GRM5: variants seen among roughly 807,000 people sequenced by gnomAD.
GRM5 encodes glutamate metabotropic receptor 5.
A neutral mutation model predicts 83.1 loss-of-function variants in GRM5; 19 were observed. That is an observed-to-expected ratio of 0.23 (90% CI 0.16 to 0.34). GRM5 has a LOEUF of 0.34. Among genes scored for constraint, GRM5 ranks in the 10% least tolerant of loss-of-function variants. GRM5 has a pLI of 1.00. For missense variants in GRM5, 1,160 were observed against 1,588.3 expected (o/e 0.73, Z 4.58); for synonymous variants, 675 against 633.6 (o/e 1.07, Z -0.98).
At chr11:88,836,206 G>T (rs1001617877) in intron 3 of GRM5, among the ~76,000 whole-genome samples, 4 of 152,178 alleles carry the variant, frequency 2.6e-5, no homozygotes, top group African/African-American at 9.7e-5. Flanking sequence ...AATATTTAAG[G>T]ATCTATGGGA....
chr11:88,514,193 C>A (rs1663152214), intron 9 of GRM5, among the ~76,000 whole-genome samples: 1 of 152,032 alleles, frequency 6.6e-6, no homozygotes, highest in African/African-American at 2.4e-5. Flanking sequence ...TAATATGATG[C>A]CATCTAATGT....
At chr11:89,014,633 G>A (rs1382641288) in intron 2 of GRM5, among the ~76,000 whole-genome samples, 8 of 152,140 alleles carry the variant, frequency 5.3e-5, no homozygotes, top group Admixed American at 2.0e-4. Context: ...GGTGACTATA[G>A]TCAAGAATAA....
At chr11:88,894,653 C>T (rs1043820869) in intron 2 of GRM5, among the ~76,000 whole-genome samples, 6 of 104,650 alleles carry the variant, frequency 5.7e-5, no homozygotes, top group African/African-American at 1.1e-4. Flanking sequence ...ATCTTCACTG[C>T]TTGTTTGTTC....
At chr11:88,715,798 A>G (rs1216048920) in intron 3 of GRM5, among the ~76,000 whole-genome samples, 1 of 151,986 alleles carries the variant, frequency 6.6e-6, no homozygotes, top group Non-Finnish European at 1.5e-5. Context: ...GCTCAGTTTT[A>G]TTTTCGGTGG....
chr11:88,841,506 G>T (rs1248486021), intron 3 of GRM5, among the ~76,000 whole-genome samples: 1 of 152,118 alleles, frequency 6.6e-6, no homozygotes, highest in Non-Finnish European at 1.5e-5. Context: ...CATAAAAGCT[G>T]CATTTTCAAA....
chr11:88,658,699 T>C (rs1343341114), intron 3 of GRM5, among the ~76,000 whole-genome samples: 40 of 152,168 alleles, frequency 2.6e-4, no homozygotes, highest in Non-Finnish European at 4.4e-5. Flanking sequence ...GTTTGAAAAG[T>C]ATGGATAATA....
intron 3 of GRM5, among the ~76,000 whole-genome samples, chr11:88,793,391 C>G (rs971154515): frequency 2.0e-5 from 3 of 152,092 alleles, no homozygotes; most frequent in African/African-American, 7.2e-5. Context: ...TAGTGAACAT[C>G]TAAGGACTGC....
intron 2 of GRM5, among the ~76,000 whole-genome samples, chr11:88,979,478 G>A (rs891489359): frequency 2.6e-5 from 4 of 152,072 alleles, no homozygotes; most frequent in African/African-American, 9.7e-5. Context: ...TACGTTACAG[G>A]TATTACAAAA....
rs1491507869 is a variant in GRM5 at position 88,994,485 on chromosome 11, A to ATATC, written c.661+52726_661+52727insGATA. The stretch of plus-strand genomic sequence containing the variant: ...TATATATATATATATATATATATAT[A>ATATC]TTACAATTGCTGCAAAGTATTGATA... On this transcript the variant is annotated intron_variant, in intron 2 of 9. Coordinates refer to ENST00000305447, the MANE Select transcript of GRM5 (RefSeq NM_001143831.3). Among the ~76,000 whole-genome samples the ATATC allele has an allele frequency of 4.0e-5, 5 of 123,480 alleles. No homozygotes were observed. In the East Asian group the frequency reaches 1.1e-3, roughly 28 times the overall value. The allele number at this position is 123,480 out of a possible 152,430, so 81.0% of individuals were successfully genotyped here. A position where few individuals can be genotyped will look rare whatever the true frequency, so the allele number is the denominator to read the frequency against.
intron 2 of GRM5, among the ~76,000 whole-genome samples, chr11:89,040,144 A>G (rs1447263616): frequency 6.6e-6 from 1 of 152,176 alleles, no homozygotes; most frequent in Non-Finnish European, 1.5e-5. Flanking sequence ...TTTGTATAAA[A>G]AAAAAAGATG....
At chr11:88,879,069 A>T (rs979438475) in intron 2 of GRM5, among the ~76,000 whole-genome samples, 2 of 152,192 alleles carry the variant, frequency 1.3e-5, no homozygotes, top group East Asian at 1.9e-4. Context: ...ATTTTGTTGT[A>T]TATAAATTTA....
chr11:88,569,501 T>A (rs1591355581), intron 7 of GRM5, among the ~76,000 whole-genome samples: 1 of 152,228 alleles, frequency 6.6e-6, no homozygotes, highest in East Asian at 1.9e-4. Context: ...GGCATAGGAA[T>A]AGGTTTCAGC....
intron 3 of GRM5, among the ~76,000 whole-genome samples, chr11:88,658,570 A>G (rs1477343432): frequency 6.6e-6 from 1 of 152,190 alleles, no homozygotes; most frequent in Non-Finnish European, 1.5e-5. Flanking sequence ...AGAAAGGAGG[A>G]CAGATATAAA....
chr11:88,835,648 A>G (rs952413275), intron 3 of GRM5, among the ~76,000 whole-genome samples: 2 of 152,190 alleles, frequency 1.3e-5, no homozygotes, highest in African/African-American at 2.4e-5. Flanking sequence ...CTCTGAGGAA[A>G]CTGGGGATGA....
chr11:88,747,819 GTTA>G (rs71470778), intron 3 of GRM5, among the ~76,000 whole-genome samples: 69,879 of 151,648 alleles, frequency 0.46, 18,365 homozygotes, highest in South Asian at 0.77. Flanking sequence ...ACTGATTTGT[GTTA>G]TTTTTTATTA....
chr11:88,981,546 G>C (rs1020710677), intron 2 of GRM5, among the ~76,000 whole-genome samples: 2 of 152,132 alleles, frequency 1.3e-5, no homozygotes, highest in African/African-American at 4.8e-5. Flanking sequence ...TATGAGTCAA[G>C]GAGAGACAGT....
intron 2 of GRM5, among the ~76,000 whole-genome samples, chr11:88,944,881 A>G (rs1482878168): frequency 6.6e-6 from 1 of 151,986 alleles, no homozygotes; most frequent in Admixed American, 6.6e-5. Flanking sequence ...GCAACAGAGA[A>G]AAATAAAAGG....
chr11:88,603,840 A>G (rs1185389439), intron 5 of GRM5, among the ~76,000 whole-genome samples: 4 of 152,210 alleles, frequency 2.6e-5, no homozygotes, highest in Non-Finnish European at 4.4e-5. Flanking sequence ...ACCTTTTGGC[A>G]GGGTCAACTA....
At chr11:88,917,522 A>G (rs1422785824) in intron 2 of GRM5, among the ~76,000 whole-genome samples, 1 of 152,204 alleles carries the variant, frequency 6.6e-6, no homozygotes, top group Non-Finnish European at 1.5e-5. Context: ...CCAGAGTGAC[A>G]GAGATATGTG....
Sources: gnomAD v4.1 joint callset for allele counts (sites outside exome capture counted in the v4.1 genomes callset) on GRCh38, gnomAD v4.1.1 for gene constraint, MANE v1.5 for transcripts, NCBI Gene and HGNC (gene_info 2026-07-23, HGNC 2026-07-21) for gene names.